Variants in FGFR3 observed in about 807,000 individuals in gnomAD.
FGFR3 encodes the protein FGFR-3.
In FGFR3, 25 loss-of-function variants were observed where a neutral mutation model predicts 82.9. The observed-to-expected ratio is 0.30, with a 90% CI of 0.22 to 0.42. The LOEUF (loss-of-function observed/expected upper bound fraction) is 0.42. FGFR3 is among the 10% of genes least tolerant of loss of function. FGFR3 has a pLI of 1.00. For synonymous variants in FGFR3, 620 were observed against 516.0 expected (o/e 1.20, Z -2.73); for missense variants, 1,026 against 1,161.0 (o/e 0.88, Z 1.69).
In FGFR3 at chr4:1,804,381, T is replaced by C. The variant is rs767787097; in HGVS notation, c.1127T>C (p.Ile376Thr). 4 of 1,612,768 alleles carry C rather than the reference T, an allele frequency of 2.5e-6. No individual in the cohort carries two copies. Among genetic ancestry groups the C allele is most frequent in the African/African-American group, 2.7e-5 (2 of 74,870 alleles). Residue 376 changes from isoleucine (I) to threonine (T), a missense_variant, in exon 9 of 18, where the codon ATC becomes ACC. Physicochemically the swap from Ile to Thr is moderately conservative, Grantham distance 89 (BLOSUM62 -1). This residue lies in a region of FGFR3 where 256 missense variants were observed against 217.6 expected (regional missense o/e 1.18). Transcript: ENST00000440486. ...GAGGCGGGCAGTGTGTATGCAGGCA[T>C]CCTCAGCTACGGGGTGGGCTTCTTC... ...ADEAGSVYAG[I>T]LSYGVGFFLF...
At chr4:1,799,194 GT>G in intron 2 of FGFR3, 59 bp from the exon 3 acceptor site, 1 of 1,610,090 alleles carries the variant, frequency 6.2e-7, no homozygotes, top group South Asian at 1.1e-5. Flanking sequence ...CCACTGCTGT[GT>G]CTGTAAACGG....
intron 1 of FGFR3, 101 bp downstream of exon 1, chr4:1,793,566 G>A: frequency 6.6e-6 from 1 of 150,652 alleles, no homozygotes; most frequent in Non-Finnish European, 1.5e-5. Context: ...CCTGCAGCGG[G>A]CCGGGCCGGG....
chr4:1,799,361 G>A lies in FGFR3; in HGVS notation c.217G>A (p.Val73Ile), dbSNP rs753541863. The change falls in exon 3 of 18, where the codon GTC (valine) becomes ATC (isoleucine). Residue 73 changes from valine to isoleucine, a missense_variant. Transcript: ENST00000440486. ...CGGGGGTGGTCCCATGGGGCCCACT[G>A]TCTGGGTCAAGGATGGCACAGGGCT... ...PPGGGPMGPT[V>I]WVKDGTGLVP... 2.5e-6 allele frequency: 4 copies of A among 1,612,598 alleles called. No homozygotes were observed. Among genetic ancestry groups the A allele is most frequent in the South Asian group, 1.1e-5 (1 of 91,068 alleles).
intron 16 of FGFR3, 35 bp downstream of exon 16, chr4:1,806,718 A>C: frequency 2.2e-6 from 3 of 1,370,548 alleles, no homozygotes; most frequent in Non-Finnish European, 2.0e-6. Context: ...CTGGGTCCTC[A>C]GGGGTGGGGG....
intron 8 of FGFR3, among the ~76,000 whole-genome samples, chr4:1,804,048 T>A (rs1467762845): frequency 6.6e-6 from 1 of 152,142 alleles, no homozygotes; most frequent in African/African-American, 2.4e-5. Flanking sequence ...TCGAGCCCAC[T>A]TCCCATCTGG....
intron 2 of FGFR3, among the ~76,000 whole-genome samples, chr4:1,797,946 G>A (rs753104148): frequency 5.8e-4 from 88 of 152,140 alleles, no homozygotes; most frequent in Non-Finnish European, 9.6e-4. Context: ...TCTAGGCCAC[G>A]CGTCTGCAGA....
intron 16 of FGFR3, 38 bp downstream of exon 16, chr4:1,806,721 G>T (rs1721969235): frequency 6.2e-7 from 1 of 1,610,010 alleles, no homozygotes; most frequent in Non-Finnish European, 8.5e-7. Flanking sequence ...GGTCCTCAGG[G>T]GTGGGGGTCC....
chr4:1,802,467 C>T (rs1013792179), intron 7 of FGFR3, among the ~76,000 whole-genome samples: 6 of 152,202 alleles, frequency 3.9e-5, no homozygotes, highest in South Asian at 2.1e-4. Flanking sequence ...TCCTGAAGCC[C>T]TTAGCTTTGT....
At position 1,793,941 on chromosome 4, in the gene FGFR3, GC is replaced by G; in HGVS notation, c.11del (p.Pro4LeufsTer56). The G allele has an allele frequency of 7.6e-7, 1 of 1,318,272 alleles. No individual in the cohort carries two copies. Among genetic ancestry groups the G allele is most frequent in the Non-Finnish European group, 9.8e-7 (1 of 1,021,786 alleles). The allele number at this position is 1,318,272 out of a possible 1,614,324, so 81.7% of individuals were successfully genotyped here. On this transcript the variant is annotated frameshift_variant, in exon 2 of 18. Transcript: ENST00000440486. LOFTEE classifies it high-confidence loss of function. MG[A>X]PACALALCVA... ...CGCGGCCCCCGCCCCCGCCATGGGCGCCCCTGCCTGCGCCCTCGCGCTCTGC... is the reference window on the plus strand; with the variant it reads ...CGCGGCCCCCGCCCCCGCCATGGGCGCCCTGCCTGCGCCCTCGCGCTCTGC...
rs1161377877 is a variant in FGFR3, at chr4:1,808,217, A to T, written c.*955A>T. The stretch of plus-strand genomic sequence containing the variant: ...ATTTTTAACTTATTGACAACCGAGA[A>T]GGTTTATCCCGCCGATAGAGGGACG... On this transcript the variant is annotated 3_prime_UTR_variant, in exon 18 of 18. Coordinates refer to ENST00000440486, the MANE Select transcript of FGFR3 (RefSeq NM_000142.5). 4.3e-6 allele frequency: 1 copy of T among 232,632 alleles called. No individual in the cohort carries two copies. Among genetic ancestry groups the T allele is most frequent in the African/African-American group, 2.2e-5 (1 of 45,288 alleles). 14.4% of individuals were successfully genotyped at this position (232,632 alleles called of 1,614,324 possible). A position where few individuals can be genotyped will look rare whatever the true frequency, so the allele number is the denominator to read the frequency against.
rs542819231 is a variant in FGFR3, at chr4:1,805,155, C to T, written c.1412+186C>T. Among the ~76,000 whole-genome samples, 37 of 152,352 alleles carry T rather than the reference C, an allele frequency of 2.4e-4. 1 individual carries two copies. The South Asian group carries it at 7.2e-3, about 30-fold the overall frequency. On this transcript the variant is annotated intron_variant, in intron 10 of 17. Coordinates refer to ENST00000440486, the MANE Select transcript of FGFR3 (RefSeq NM_000142.5). ...GCAGGGACTGCCCCTCTCAAGGTGC[C>T]CTGTCTGGAGGGGCAGCAAGGGCGG...
chr4:1,807,373 G>C lies in FGFR3; in HGVS notation c.*111G>C, dbSNP rs1348970505. 6.9e-7 allele frequency: 1 copy of C among 1,446,868 alleles called. No individual in the cohort carries two copies. Among genetic ancestry groups the C allele is most frequent in the Non-Finnish European group, 9.4e-7 (1 of 1,069,430 alleles). The allele number at this position is 1,446,868 out of a possible 1,614,324, so 89.6% of individuals were successfully genotyped here. A position where few individuals can be genotyped will look rare whatever the true frequency, so the allele number is the denominator to read the frequency against. ...GTGCAGATGGAGAGACAGCTACACA[G>C]AGCTTTGGTCTGTGTGTGTGTGTGT... On this transcript the variant is annotated 3_prime_UTR_variant, in exon 18 of 18. Transcript: ENST00000440486.
At chr4:1,803,986 G>T in intron 8 of FGFR3, 150 bp downstream of exon 8, 1 of 1,020,754 alleles carries the variant, frequency 9.8e-7, no homozygotes, top group Non-Finnish European at 1.5e-6. Context: ...CCAGTGTGGG[G>T]ACAAAGTTGG....
rs774047997 is a variant in FGFR3, at chr4:1,802,011, G to A, written c.916G>A (p.Val306Ile). ...GGTGGGCCCGGACGGCACACCCTAC[G>A]TTACCGTGCTCAAGGTGGGCCACCG... ...SKVGPDGTPY[V>I]TVLKTAGANT... The change falls in exon 7 of 18, where the codon GTT becomes ATT. Residue 306 changes from valine to isoleucine, a missense_variant. Physicochemically the swap from Val to Ile is conservative, Grantham distance 29 (BLOSUM62 3). Around this residue, in one of 9 missense-constraint regions of FGFR3, gnomAD observed 256 missense variants for 217.6 expected, o/e 1.18. Transcript: ENST00000440486. The A allele has an allele frequency of 9.3e-6, 15 of 1,612,132 alleles. No individual in the cohort carries two copies. In the Admixed American group the frequency reaches 1.7e-4, roughly 18 times the overall value.
intron 2 of FGFR3, among the ~76,000 whole-genome samples, chr4:1,797,246 C>G (rs1720621683): frequency 1.3e-5 from 2 of 152,138 alleles, no homozygotes; most frequent in South Asian, 4.1e-4. Context: ...GGGCTCCACC[C>G]AACTGCTGAC....
In FGFR3 at chr4:1,808,191, A is replaced by G. The variant is rs1254735774; in HGVS notation, c.*929A>G. 1 of 232,772 alleles carries G rather than the reference A, an allele frequency of 4.3e-6. No homozygotes were observed. Among genetic ancestry groups the G allele is most frequent in the Non-Finnish European group, 8.5e-6 (1 of 117,838 alleles). 14.4% of individuals were successfully genotyped at this position (232,772 alleles called of 1,614,324 possible). On this transcript the variant is annotated 3_prime_UTR_variant, in exon 18 of 18. Coordinates refer to ENST00000440486, the MANE Select transcript of FGFR3 (RefSeq NM_000142.5). ...AGCTGGCCACATGGCGGAGAGTTTTAATTTTTAACTTATTGACAACCGAGA... is the reference window on the plus strand; with the variant it reads ...AGCTGGCCACATGGCGGAGAGTTTTGATTTTTAACTTATTGACAACCGAGA...
intron 4 of FGFR3, among the ~76,000 whole-genome samples, chr4:1,800,140 G>A (rs936266289): frequency 6.6e-6 from 1 of 152,092 alleles, no homozygotes; most frequent in Admixed American, 6.5e-5. Flanking sequence ...GGTGGACCCC[G>A]CAGACATTAG....
chr4:1,805,090 G>A, intron 10 of FGFR3, 121 bp downstream of exon 10: 1 of 1,406,494 alleles, frequency 7.1e-7, no homozygotes. Flanking sequence ...TGTTGGGTGT[G>A]GCTGGGGTTC....
In FGFR3 at chr4:1,804,713, A is replaced by T. The variant is rs940206349; in HGVS notation, c.1267-111A>T. On this transcript the variant is annotated intron_variant, in intron 9 of 17. Coordinates refer to ENST00000440486, the MANE Select transcript of FGFR3 (RefSeq NM_000142.5). Reference sequence around the variant, plus strand: ...GAAACATTCTAAAAATCTTCATTCAATGCTGGTGGAAGTCAGAACGCCCCC... The same window carrying T: ...GAAACATTCTAAAAATCTTCATTCATTGCTGGTGGAAGTCAGAACGCCCCC... 1.5e-5 allele frequency: 22 copies of T among 1,437,764 alleles called. No homozygotes were observed. The African/African-American group carries it at 3.1e-4, about 20-fold the overall frequency. The allele number at this position is 1,437,764 out of a possible 1,614,324, so 89.1% of individuals were successfully genotyped here. A position where few individuals can be genotyped will look rare whatever the true frequency, so the allele number is the denominator to read the frequency against.
Sources: allele counts gnomAD v4.1 joint callset (sites outside exome capture counted in the v4.1 genomes callset), GRCh38; gene constraint gnomAD v4.1.1; regional missense constraint gnomAD v4.1.1; transcripts MANE v1.5; gene names NCBI Gene and HGNC (gene_info 2026-07-23, HGNC 2026-07-21).